Variants in UBE2O observed in about 807,000 individuals in gnomAD.
UBE2O encodes ubiquitin conjugating enzyme E2 O.
In UBE2O, 15 loss-of-function variants were observed where a neutral mutation model predicts 125.8. That is an observed-to-expected ratio of 0.12 (90% confidence interval 0.08 to 0.18). The LOEUF is 0.18. Ranked by LOEUF, UBE2O falls within the 10% of genes least tolerant of loss-of-function variation. UBE2O has a pLI of 1.00. For synonymous variants in UBE2O, 708 were observed against 703.2 expected, an observed-to-expected ratio of 1.01 and a Z score of -0.11; for missense variants, 1,280 against 1,723.6, an observed-to-expected ratio of 0.74 and a Z score of 4.56.
At chr17:76,425,093 G>A (rs1329424225) in intron 1 of UBE2O, among the ~76,000 whole-genome samples, 4 of 151,092 alleles carry the variant, frequency 2.6e-5, no homozygotes, top group Non-Finnish European at 4.4e-5. Context: ...GGATGGTCTC[G>A]ATCTCCTGAC....
Position 76,401,211 on chromosome 17 carries a change from A to G in UBE2O, c.751-57T>C, listed in dbSNP as rs1024650476. On this transcript the variant is annotated intron_variant, in intron 5 of 17. Transcript: ENST00000319380. ...GTGAGCGGTGTCTCCATGGGTGACC[A>G]TGCTCTCCACGCCTGTGCCCGCTGG... is the stretch of plus-strand genomic sequence containing the variant. 4 of 1,593,574 alleles carry G rather than the reference A, an allele frequency of 2.5e-6. No individual in the cohort carries two copies. The African/African-American group carries it at 5.4e-5, about 21-fold the overall frequency.
chr17:76,400,466 C>CA lies in UBE2O; in HGVS notation c.978dup (p.Val327CysfsTer17). 6.2e-7 allele frequency: 1 copy of CA among 1,612,624 alleles called. No homozygotes were observed. Among genetic ancestry groups the CA allele is most frequent in the Non-Finnish European group, 8.5e-7 (1 of 1,179,408 alleles). ...CTGCCTAGGTTTTCCTGGGTGATGA[C>CA]AGAGGGTGGGGGGCTGACGCTGTCC... On this transcript the variant is annotated frameshift_variant, in exon 7 of 18. Coordinates refer to ENST00000319380, the MANE Select transcript of UBE2O (RefSeq NM_022066.4). LOFTEE classifies it high-confidence loss of function. This position sits in a 1 kb window ranked among gnomAD's most constrained non-coding sequence, Gnocchi z 4.3.
intron 3 of UBE2O, among the ~76,000 whole-genome samples, chr17:76,403,020 T>C (rs531969509): frequency 6.6e-6 from 1 of 152,216 alleles, no homozygotes; most frequent in African/African-American, 2.4e-5. Flanking sequence ...ACAGGACACC[T>C]GGCAAAGTAG....
chr17:76,397,745 G>A (rs368324324), intron 13 of UBE2O, 54 bp downstream of exon 13: 427 of 1,573,060 alleles, frequency 2.7e-4, no homozygotes, highest in East Asian at 9.2e-4. Context: ...TGTGGCCCCC[G>A]GCCCAAGTTG....
At chr17:76,418,514 C>G (rs1296784801) in intron 1 of UBE2O, among the ~76,000 whole-genome samples, 2 of 151,870 alleles carry the variant, frequency 1.3e-5, no homozygotes, top group Admixed American at 1.3e-4. Flanking sequence ...AGCAAAAGAC[C>G]ATGAAGCTGT....
intron 1 of UBE2O, among the ~76,000 whole-genome samples, chr17:76,440,578 T>G (rs2073063453): frequency 6.6e-6 from 1 of 152,228 alleles, no homozygotes; most frequent in African/African-American, 2.4e-5. Context: ...TCCGCCTGGC[T>G]TGGCCTCCCA....
Position 76,448,142 on chromosome 17 carries a change from T to C in UBE2O, c.417+4583A>G, listed in dbSNP as rs1362537180. On this transcript the variant is annotated intron_variant, in intron 1 of 17. Transcript: ENST00000319380. ...TTCATCTGGGGAAAGTACCCTTGAG[T>C]CAGGCAGCAGCCAGACAGAAGCACC... Among the ~76,000 whole-genome samples the C allele has an allele frequency of 2.0e-5, 3 of 151,918 alleles. No homozygotes were observed. In the East Asian group the frequency reaches 5.8e-4, roughly 29 times the overall value.
chr17:76,424,207 CTTTT>C (rs569775028), intron 1 of UBE2O, among the ~76,000 whole-genome samples: 4 of 105,308 alleles, frequency 3.8e-5, no homozygotes, highest in East Asian at 5.6e-4. Context: ...CGCGCCCGGC[CTTTT>C]TTTTTTTTTT....
intron 1 of UBE2O, among the ~76,000 whole-genome samples, chr17:76,440,862 G>A (rs888240397): frequency 2.6e-5 from 4 of 152,224 alleles, no homozygotes; most frequent in Non-Finnish European, 5.9e-5. Flanking sequence ...GCAACACTAG[G>A]ACATTTATCA....
At chr17:76,448,012 G>A (rs1394196481) in intron 1 of UBE2O, among the ~76,000 whole-genome samples, 1 of 152,164 alleles carries the variant, frequency 6.6e-6, no homozygotes, top group African/African-American at 2.4e-5. Flanking sequence ...CATTGCAGAG[G>A]GAGAAAATGA....
intron 1 of UBE2O, among the ~76,000 whole-genome samples, chr17:76,408,000 C>T (rs2072452902): frequency 6.6e-6 from 1 of 152,208 alleles, no homozygotes; most frequent in African/African-American, 2.4e-5. Context: ...GGAATTAGAA[C>T]CCAAGACAAC....
intron 1 of UBE2O, among the ~76,000 whole-genome samples, chr17:76,406,402 C>G (rs1019107722): frequency 1.3e-5 from 2 of 152,084 alleles, no homozygotes; most frequent in African/African-American, 4.8e-5. Context: ...CTCCGAGACC[C>G]CAAACCACAT....
rs923888524 is a variant in UBE2O at position 76,452,549 on chromosome 17, G to C, written c.417+176C>G. Among the ~76,000 whole-genome samples, 1 of 152,210 alleles carries C rather than the reference G, an allele frequency of 6.6e-6. No homozygotes were observed. The highest frequency in any genetic ancestry group is 1.5e-5 in the Non-Finnish European group (1 of 68,028). ...CCAGCAGTGCCTGGCTGGCGTGTGC[G>C]CCCAGAGCTGCTGCAATGACTTTGC... is the stretch of plus-strand genomic sequence containing the variant. On this transcript the variant is annotated intron_variant, in intron 1 of 17. Coordinates refer to ENST00000319380, the MANE Select transcript of UBE2O (RefSeq NM_022066.4). The surrounding 1 kb of genome is among the most constrained non-coding windows in gnomAD (Gnocchi z 4.4).
chr17:76,433,108 A>G (rs2072929565), intron 1 of UBE2O, among the ~76,000 whole-genome samples: 1 of 152,174 alleles, frequency 6.6e-6, no homozygotes, highest in Non-Finnish European at 1.5e-5. Flanking sequence ...AGAATTGAAA[A>G]TATACATTCA....
At chr17:76,427,835 G>C (rs1343758464) in intron 1 of UBE2O, among the ~76,000 whole-genome samples, 1 of 152,160 alleles carries the variant, frequency 6.6e-6, no homozygotes, top group Non-Finnish European at 1.5e-5. Context: ...AAATTTTCTT[G>C]CATCCCTTTT....
chr17:76,451,912 C>T (rs978146555), intron 1 of UBE2O, among the ~76,000 whole-genome samples: 14 of 152,064 alleles, frequency 9.2e-5, no homozygotes, highest in African/African-American at 3.4e-4. Flanking sequence ...AACTGCTATA[C>T]TCACTAGCAT....
chr17:76,441,099 T>C (rs1351111869), intron 1 of UBE2O, among the ~76,000 whole-genome samples: 3 of 152,212 alleles, frequency 2.0e-5, no homozygotes, highest in Admixed American at 2.0e-4. Context: ...GTTTCAGTCT[T>C]TCCTTTTCTA....
chr17:76,392,306 G>A (rs1002839714), intron 15 of UBE2O, among the ~76,000 whole-genome samples, 193 bp from the exon 16 acceptor site: 1 of 152,054 alleles, frequency 6.6e-6, no homozygotes, highest in African/African-American at 2.4e-5. Flanking sequence ...AGAACAGCCT[G>A]GAATCTTTTT....
In UBE2O at chr17:76,400,189, T is replaced by C. The variant is rs2072293542; in HGVS notation, c.1113A>G (p.Pro371=). ...CCTCCCCCTGGGCGCAGTTTTTTTCTGGACATTCCCAGGCAATCTTGGCTG... is the reference window on the plus strand; with the variant it reads ...CCTCCCCCTGGGCGCAGTTTTTTTCCGGACATTCCCAGGCAATCTTGGCTG... ...VEPAKIAWEC[P]EKNCAQGEGS... is the part of the protein sequence containing the mutation. Residue 371 remains proline (P), a synonymous_variant, in exon 8 of 18, where the codon CCA becomes CCG. Coordinates refer to ENST00000319380, the MANE Select transcript of UBE2O (RefSeq NM_022066.4). The surrounding 1 kb of genome is among the most constrained non-coding windows in gnomAD (Gnocchi z 4.3). 5 of 1,614,046 alleles carry C rather than the reference T, an allele frequency of 3.1e-6. No individual in the cohort carries two copies. Among genetic ancestry groups the C allele is most frequent in the Non-Finnish European group, 3.4e-6 (4 of 1,180,038 alleles).
Sources: gnomAD v4.1 joint callset for allele counts (sites outside exome capture counted in the v4.1 genomes callset) on GRCh38, gnomAD v4.1.1 for gene constraint, Gnocchi (gnomAD v3.1) non-coding constraint, MANE v1.5 for transcripts, NCBI Gene and HGNC (gene_info 2026-07-23, HGNC 2026-07-21) for gene names.